EPHB1: variants seen among roughly 807,000 people sequenced by gnomAD.
EPHB1 encodes ephrin type-B receptor 1.
EPHB1 carries 30 observed loss-of-function variants against 94.4 expected under a neutral mutation model. The observed-to-expected ratio is 0.32, with a 90% confidence interval of 0.24 to 0.43. EPHB1 has a LOEUF of 0.43. Ranked by LOEUF, EPHB1 falls within the 20% of genes least tolerant of loss-of-function variation. EPHB1 has a pLI of 1.00. For synonymous variants in EPHB1, 522 were observed against 489.1 expected, an observed-to-expected ratio of 1.07 and a Z score of -0.89; for missense variants, 1,055 against 1,308.3, an observed-to-expected ratio of 0.81 and a Z score of 2.99.
At chr3:134,901,563 T>C (rs2038205096) in intron 1 of EPHB1, among the ~76,000 whole-genome samples, 1 of 152,264 alleles carries the variant, frequency 6.6e-6, no homozygotes, top group Non-Finnish European at 1.5e-5. Context: ...GCTTCTCACC[T>C]GCTGGCTTGG....
intron 1 of EPHB1, among the ~76,000 whole-genome samples, chr3:134,913,450 T>G (rs895189334): frequency 3.9e-5 from 6 of 152,082 alleles, no homozygotes; most frequent in African/African-American, 1.4e-4. Context: ...ATCTGGGAGG[T>G]TGCTGCTGCC....
intron 1 of EPHB1, among the ~76,000 whole-genome samples, chr3:134,863,929 G>A (rs187237523): frequency 8.5e-5 from 13 of 152,284 alleles, no homozygotes; most frequent in African/African-American, 1.9e-4. Flanking sequence ...CTTCACAGCC[G>A]CACAGTAATT....
In EPHB1 at chr3:135,259,110, C is replaced by T. The variant is rs1324574213; in HGVS notation, c.2945C>T (p.Ala982Val). ...MRVQISQSPT[A>V]MA ...GTCCAGATAAGTCAGTCACCAACGG[C>T]AATGGCATGAGAACTCTTGTTTCTT... Residue 982 changes from alanine to valine, a missense_variant, in exon 16 of 16, where the codon GCA (alanine) becomes GTA (valine). Coordinates refer to ENST00000398015, the MANE Select transcript of EPHB1 (RefSeq NM_004441.5). 1.2e-6 allele frequency: 2 copies of T among 1,607,344 alleles called. No individual in the cohort carries two copies. Among genetic ancestry groups the T allele is most frequent in the Non-Finnish European group, 1.7e-6 (2 of 1,176,824 alleles).
chr3:134,922,032 G>A (rs1287907097), intron 1 of EPHB1, among the ~76,000 whole-genome samples: 1 of 152,224 alleles, frequency 6.6e-6, no homozygotes, highest in Admixed American at 6.5e-5. Context: ...CTCCCCTTGG[G>A]CACTGAGTAC....
rs754249766 is a variant in EPHB1 at position 135,159,147 on chromosome 3, C to G, written c.1423-2871C>G. ...AACAGCTGCATTCTCCATCCTGCATCCTCTGTCTCCCACATACTTATAATT... is the reference window on the plus strand; with the variant it reads ...AACAGCTGCATTCTCCATCCTGCATGCTCTGTCTCCCACATACTTATAATT... On this transcript the variant is annotated intron_variant, in intron 6 of 15. Transcript: ENST00000398015. Among the ~76,000 whole-genome samples the G allele has an allele frequency of 4.3e-4, 66 of 152,118 alleles. 1 individual carries two copies. Among genetic ancestry groups the G allele is most frequent in the Non-Finnish European group, 7.1e-4 (48 of 68,030 alleles).
At chr3:134,898,023 C>T (rs986908318) in intron 1 of EPHB1, among the ~76,000 whole-genome samples, 1 of 152,064 alleles carries the variant, frequency 6.6e-6, no homozygotes, top group Non-Finnish European at 1.5e-5. Flanking sequence ...CTGATTAATC[C>T]CAGGAAGGCA....
intron 1 of EPHB1, among the ~76,000 whole-genome samples, chr3:134,918,724 G>A (rs1176294828): frequency 6.6e-6 from 1 of 152,162 alleles, no homozygotes; most frequent in Non-Finnish European, 1.5e-5. Context: ...CACTCCAGGC[G>A]TGTGAATGTG....
At chr3:135,088,672 G>C (rs72977505) in intron 3 of EPHB1, among the ~76,000 whole-genome samples, 1,946 of 152,246 alleles carry the variant, frequency 0.013, 51 homozygotes, top group African/African-American at 0.044. Context: ...GATGGAAGAA[G>C]AGCTAACTTT....
chr3:134,988,210 C>T (rs897636822), intron 3 of EPHB1, among the ~76,000 whole-genome samples: 1 of 152,182 alleles, frequency 6.6e-6, no homozygotes, highest in African/African-American at 2.4e-5. Flanking sequence ...CTGTACAAGA[C>T]TCTGTTGTGG....
chr3:135,201,450 AATGCCCTCTATGTCTT>A lies in EPHB1; in HGVS notation c.2131-21_2131-6del. On this transcript the variant is annotated splice_polypyrimidine_tract_variant and splice_region_variant and intron_variant, in intron 11 of 15. Coordinates refer to ENST00000398015, the MANE Select transcript of EPHB1 (RefSeq NM_004441.5). The stretch of plus-strand genomic sequence containing the variant: ...AACCATTGAAGCCCGTCTTGATCCC[AATGCCCTCTATGTCTT>A]ATTACAGCAAAATGACGGGCAGTTC... 1 of 1,612,788 alleles carries A rather than the reference AATGCCCTCTATGTCTT, an allele frequency of 6.2e-7. No homozygotes were observed. Among genetic ancestry groups the A allele is most frequent in the Non-Finnish European group, 8.5e-7 (1 of 1,178,982 alleles).
chr3:135,070,241 A>T (rs1428169203), intron 3 of EPHB1, among the ~76,000 whole-genome samples: 1 of 152,200 alleles, frequency 6.6e-6, no homozygotes, highest in Non-Finnish European at 1.5e-5. Flanking sequence ...AAAAAAGTCC[A>T]TAAAGTTGGC....
At chr3:135,170,867 A>C (rs1941785647) in intron 9 of EPHB1, among the ~76,000 whole-genome samples, 1 of 152,224 alleles carries the variant, frequency 6.6e-6, no homozygotes, top group African/African-American at 2.4e-5. Context: ...GTTTAGGGTC[A>C]AGGGCTTTCA....
rs188870784 is a variant in EPHB1 at position 134,973,956 on chromosome 3, C to T, written c.805+21904C>T. On this transcript the variant is annotated intron_variant, in intron 3 of 15. Transcript: ENST00000398015. Reference sequence around the variant, plus strand: ...AGAGGTTTTGTCTGACCTGGAAAAACAAGAGGAGCATGTCTGCAGGAGAGA... The same window carrying T: ...AGAGGTTTTGTCTGACCTGGAAAAATAAGAGGAGCATGTCTGCAGGAGAGA... 2.0e-5 allele frequency among the ~76,000 whole-genome samples: 3 copies of T among 152,088 alleles called. No homozygotes were observed. The South Asian group carries it at 6.2e-4, about 31-fold the overall frequency.
At chr3:134,820,646 A>G (rs1322859294) in intron 1 of EPHB1, among the ~76,000 whole-genome samples, 2 of 152,032 alleles carry the variant, frequency 1.3e-5, no homozygotes, top group Non-Finnish European at 1.5e-5. Flanking sequence ...TTGATGTTTT[A>G]TTTTATTTTA....
chr3:135,132,652 G>A (rs1250965084), intron 4 of EPHB1, 62 bp from the exon 5 acceptor site: 21 of 1,436,144 alleles, frequency 1.5e-5, no homozygotes, highest in Non-Finnish European at 2.0e-5. Flanking sequence ...AGGCAGACAA[G>A]AGAGCTGCCG....
At chr3:134,944,120 C>A (rs1220433943) in intron 2 of EPHB1, among the ~76,000 whole-genome samples, 1 of 151,946 alleles carries the variant, frequency 6.6e-6, no homozygotes, top group African/African-American at 2.4e-5. Context: ...GTAGTCGCTC[C>A]CCATTTCCCT....
intron 10 of EPHB1, among the ~76,000 whole-genome samples, chr3:135,188,051 TA>T (rs960609727): frequency 6.6e-6 from 1 of 151,010 alleles, no homozygotes; most frequent in African/African-American, 2.4e-5. Context: ...ATAAAAAAAT[TA>T]GATAAAAGTG....
intron 3 of EPHB1, among the ~76,000 whole-genome samples, chr3:135,072,610 C>T (rs1449425240): frequency 1.3e-5 from 2 of 152,136 alleles, no homozygotes; most frequent in Admixed American, 6.5e-5. Context: ...GGGGCCTTTG[C>T]ACATGTCACT....
intron 3 of EPHB1, among the ~76,000 whole-genome samples, chr3:135,055,993 T>G (rs2107774144): frequency 6.6e-6 from 1 of 152,292 alleles, no homozygotes; most frequent in South Asian, 2.1e-4. Flanking sequence ...CCACCCTCTG[T>G]TCTGGCCCAG....
Sources: allele counts gnomAD v4.1 joint callset (sites outside exome capture counted in the v4.1 genomes callset), GRCh38; gene constraint gnomAD v4.1.1; transcripts MANE v1.5; gene names NCBI Gene and HGNC (gene_info 2026-07-23, HGNC 2026-07-21).